The following USP48 variants were observed in gnomAD, a reference collection of about 807,000 sequenced individuals.
The protein encoded by USP48 is ubiquitin specific peptidase 48.
A neutral mutation model predicts 150.7 loss-of-function variants in USP48; 43 were observed. The ratio of observed to expected loss-of-function variants is 0.29; its 90% CI spans 0.22 to 0.37. The LOEUF (loss-of-function observed/expected upper bound fraction) is 0.37, where lower values mean the gene tolerates loss of function less well. USP48 is among the 10% of genes least tolerant of loss of function. USP48 has a pLI of 1.00. For synonymous variants in USP48, 396 were observed against 425.9 expected (o/e 0.93, Z 0.86); for missense variants, 813 against 1,249.6 (o/e 0.65, Z 5.27).
intron 1 of USP48, among the ~76,000 whole-genome samples, chr1:21,777,013 G>A (rs1195710490): frequency 1.3e-5 from 2 of 151,964 alleles, no homozygotes; most frequent in East Asian, 3.9e-4. Flanking sequence ...TACTCAGGAG[G>A]CTGAGGCAGG....
chr1:21,698,154 G>A (rs1322232348), intron 22 of USP48, among the ~76,000 whole-genome samples: 1 of 152,142 alleles, frequency 6.6e-6, no homozygotes, highest in Non-Finnish European at 1.5e-5. Context: ...ATGTGATGAG[G>A]AGGGTGACAT....
intron 10 of USP48, among the ~76,000 whole-genome samples, chr1:21,729,297 AG>A (rs2097749951): frequency 1.3e-5 from 2 of 151,740 alleles, no homozygotes; most frequent in East Asian, 1.9e-4. Context: ...AAAAAAAAAA[AG>A]AAAGAATAGA....
intron 12 of USP48, among the ~76,000 whole-genome samples, chr1:21,722,516 G>A (rs1401022323): frequency 1.3e-5 from 2 of 150,718 alleles, no homozygotes; most frequent in African/African-American, 2.4e-5. Flanking sequence ...TCCAGCTGGG[G>A]CAACAGAATA....
rs147983516 is a variant in USP48 at position 21,691,724 on chromosome 1, T to C, written c.2884-1625A>G. On this transcript the variant is annotated intron_variant, in intron 23 of 26. Coordinates refer to ENST00000308271, the MANE Select transcript of USP48 (RefSeq NM_032236.8). ...TCAGAAAGGTTTGTTTTTTAAATTT[T>C]ATCATTTCTGGGTCATGTTTACCTC... Among the ~76,000 whole-genome samples, 10 of 152,346 alleles carry C rather than the reference T, an allele frequency of 6.6e-5. 1 individual carries two copies. Among genetic ancestry groups the C allele is most frequent in the African/African-American group, 2.4e-4 (10 of 41,580 alleles).
At chr1:21,707,304 C>G (rs1271255958) in intron 15 of USP48, among the ~76,000 whole-genome samples, 1 of 152,162 alleles carries the variant, frequency 6.6e-6, no homozygotes, top group Non-Finnish European at 1.5e-5. Context: ...TTATTGCCTC[C>G]CATTTGACTA....
intron 1 of USP48, 110 bp from the exon 2 acceptor site, chr1:21,757,893 T>G: frequency 1.5e-6 from 2 of 1,326,958 alleles, no homozygotes; most frequent in South Asian, 3.3e-5. Flanking sequence ...TTAGCAAAAC[T>G]GAGAAAGTAT....
Position 21,749,570 on chromosome 1 carries a change from C to T in USP48, c.775-1299G>A, listed in dbSNP as rs79501414. Among the ~76,000 whole-genome samples, 1,360 of 152,186 alleles carry T rather than the reference C, an allele frequency of 8.9e-3. 20 individuals carry two copies. The highest frequency in any genetic ancestry group is 0.031 in the African/African-American group (1,284 of 41,522). ...ACTCCCCTCTTACTCTTACTCTCCA[C>T]ATCCAGTCTGCAAATTAAAAAAAAA... is the stretch of plus-strand genomic sequence containing the variant. On this transcript the variant is annotated intron_variant, in intron 6 of 26. Coordinates refer to ENST00000308271, the MANE Select transcript of USP48 (RefSeq NM_032236.8).
intron 1 of USP48, among the ~76,000 whole-genome samples, chr1:21,780,258 G>A (rs1471557896): frequency 6.6e-6 from 1 of 152,214 alleles, no homozygotes; most frequent in African/African-American, 2.4e-5. Context: ...ATGCGCAGCA[G>A]GGATAACCCT....
At chr1:21,711,746 A>T (rs991021836) in intron 15 of USP48, among the ~76,000 whole-genome samples, 5 of 152,232 alleles carry the variant, frequency 3.3e-5, no homozygotes, top group Admixed American at 2.0e-4. Flanking sequence ...TGGCTTCCAC[A>T]GAGTGCCTAG....
chr1:21,679,186 C>A lies in USP48; in HGVS notation c.*231G>T. On this transcript the variant is annotated 3_prime_UTR_variant, in exon 27 of 27. Coordinates refer to ENST00000308271, the MANE Select transcript of USP48 (RefSeq NM_032236.8). Reference sequence around the variant, plus strand: ...TTTACTTGCCCCCTCCCACCCACCACCCCCCTTAAATATAAAATTGGAAAC... The same window carrying A: ...TTTACTTGCCCCCTCCCACCCACCAACCCCCTTAAATATAAAATTGGAAAC... The A allele has an allele frequency of 2.3e-6, 1 of 443,504 alleles. No homozygotes were observed. Among genetic ancestry groups the A allele is most frequent in the South Asian group, 2.4e-5 (1 of 42,346 alleles). 27.5% of individuals were successfully genotyped at this position (443,504 alleles called of 1,614,324 possible).
intron 1 of USP48, among the ~76,000 whole-genome samples, chr1:21,761,232 C>T (rs973856944): frequency 4.6e-5 from 7 of 151,748 alleles, no homozygotes; most frequent in South Asian, 2.1e-4. Flanking sequence ...ACAACCTTAT[C>T]GGCAAAGATT....
chr1:21,751,406 CACA>C lies in USP48; in HGVS notation c.774+98_774+100del, dbSNP rs532775148. On this transcript the variant is annotated intron_variant, in intron 6 of 26. Transcript: ENST00000308271. Reference sequence around the variant, plus strand: ...ATGCTTCTTATGTAGAAAAAGCTGACACAATAAAAGCTCTAGCCACTAAATCAA... The same window carrying C: ...ATGCTTCTTATGTAGAAAAAGCTGACATAAAAGCTCTAGCCACTAAATCAA... 199 of 860,690 alleles carry C rather than the reference CACA, an allele frequency of 2.3e-4. 1 individual carries two copies. In the South Asian group the frequency reaches 2.8e-3, roughly 12 times the overall value. The allele number at this position is 860,690 out of a possible 1,614,324, so 53.3% of individuals were successfully genotyped here. A position where few individuals can be genotyped will look rare whatever the true frequency, so the allele number is the denominator to read the frequency against.
At chr1:21,726,021 A>G (rs1219119453) in intron 11 of USP48, among the ~76,000 whole-genome samples, 1 of 152,202 alleles carries the variant, frequency 6.6e-6, no homozygotes, top group Non-Finnish European at 1.5e-5. Flanking sequence ...AAGCAATATG[A>G]AGGCTATCAA....
intron 1 of USP48, among the ~76,000 whole-genome samples, chr1:21,770,637 T>C (rs560624331): frequency 6.6e-6 from 1 of 150,868 alleles, no homozygotes; most frequent in Non-Finnish European, 1.5e-5. Context: ...CGCACCACCA[T>C]GCTCGGCTAA....
At position 21,689,992 on chromosome 1, in the gene USP48, T is replaced by G. The variant is rs201954717; in HGVS notation, c.2991A>C (p.Glu997Asp). The G allele has an allele frequency of 6.6e-5, 107 of 1,613,976 alleles. 1 individual carries two copies. The highest frequency in any genetic ancestry group is 6.6e-5 in the Non-Finnish European group (78 of 1,179,948). The part of the protein sequence containing the change: ...ATLGTLGVIP[E>D]SVILLKADEP... ...TACTTACCTTCAATAAAATGACAGA[T>G]TCAGGAATGACGCCAAGGGTGCCTA... Residue 997 changes from glutamate (E) to aspartate (D), a missense_variant, in exon 24 of 27, where the codon GAA becomes GAC. Glu to Asp is a conservative substitution (Grantham distance 45). Transcript: ENST00000308271.
At chr1:21,693,624 A>G (rs2097610803) in intron 23 of USP48, among the ~76,000 whole-genome samples, 1 of 152,200 alleles carries the variant, frequency 6.6e-6, no homozygotes, top group Non-Finnish European at 1.5e-5. Flanking sequence ...TGTAGTCCAT[A>G]ATAAAAGCAG....
chr1:21,782,862 G>A lies in USP48; in HGVS notation c.96C>T (p.Tyr32=). 2 of 1,560,820 alleles carry A rather than the reference G, an allele frequency of 1.3e-6. No individual in the cohort carries two copies. Among genetic ancestry groups the A allele is most frequent in the Non-Finnish European group, 1.7e-6 (2 of 1,154,068 alleles). ...GAATGCAGGGCTCCAGCCAGATGCG[G>A]TAAGCGGTCTCGATGTGCTCCTGCG... ...EVSQEHIETA[Y]RIWLEPCIRG... Residue 32 remains tyrosine (Y), a synonymous_variant, in exon 1 of 27, where the codon TAC becomes TAT. Transcript: ENST00000308271.
At chr1:21,761,519 C>T (rs1182622484) in intron 1 of USP48, among the ~76,000 whole-genome samples, 1 of 152,140 alleles carries the variant, frequency 6.6e-6, no homozygotes, top group Non-Finnish European at 1.5e-5. Context: ...AGACTTTGAA[C>T]AATAAAATGT....
At chr1:21,770,481 CTT>C (rs548583450) in intron 1 of USP48, among the ~76,000 whole-genome samples, 16 of 115,830 alleles carry the variant, frequency 1.4e-4, no homozygotes, top group Admixed American at 1.8e-4. Flanking sequence ...AATCAAGTGT[CTT>C]TTTTTTTTTT....
Sources: gnomAD v4.1 joint callset for allele counts (sites outside exome capture counted in the v4.1 genomes callset) on GRCh38, gnomAD v4.1.1 for gene constraint, MANE v1.5 for transcripts, NCBI Gene and HGNC (gene_info 2026-07-23, HGNC 2026-07-21) for gene names.